Variants in SH3GL3 observed in about 807,000 individuals in gnomAD.
SH3GL3 encodes the protein endophilin-A3.
A neutral mutation model predicts 47.7 loss-of-function variants in SH3GL3; 33 were observed. The observed-to-expected ratio is 0.69, with a 90% confidence interval of 0.52 to 0.92. The LOEUF (loss-of-function observed/expected upper bound fraction) is 0.92. SH3GL3 is among the 40% of genes least tolerant of loss of function. The pLI is 0.00. For synonymous variants in SH3GL3, 155 were observed against 148.8 expected (o/e 1.04, Z -0.30); for missense variants, 363 against 417.8 (o/e 0.87, Z 1.14).
intron 7 of SH3GL3, among the ~76,000 whole-genome samples, chr15:83,587,879 T>A (rs2059995370): frequency 6.6e-6 from 1 of 152,224 alleles, no homozygotes; most frequent in Admixed American, 6.5e-5. Context: ...GAGGGATTTT[T>A]ACTTAAATCA....
Position 83,562,030 on chromosome 15 carries a change from A to AACACACACACAC in SH3GL3, c.114+2750_114+2761dup, listed in dbSNP as rs55856428. On this transcript the variant is annotated intron_variant, in intron 2 of 8. Transcript: ENST00000427482. ...TTGACTTGAACAGACACACACACACAACACACACACACACACACACACACA... is the reference window on the plus strand; with the variant it reads ...TTGACTTGAACAGACACACACACACAACACACACACACACACACACACACACACACACACACA... 6.6e-3 allele frequency among the ~76,000 whole-genome samples: 879 copies of AACACACACACAC among 133,026 alleles called. 12 individuals are homozygous for AACACACACACAC. Among genetic ancestry groups the AACACACACACAC allele is most frequent in the African/African-American group, 0.013 (483 of 36,530 alleles). The allele number at this position is 133,026 out of a possible 152,430, so 87.3% of individuals were successfully genotyped here.
chr15:83,464,718 A>C (rs149199370), intron 1 of SH3GL3, among the ~76,000 whole-genome samples: 1 of 152,244 alleles, frequency 6.6e-6, no homozygotes, highest in African/African-American at 2.4e-5. Flanking sequence ...TCTACTTTCA[A>C]AATACAACCG....
At chr15:83,474,290 G>A (rs1367517770) in intron 1 of SH3GL3, among the ~76,000 whole-genome samples, 1 of 152,162 alleles carries the variant, frequency 6.6e-6, no homozygotes, top group African/African-American at 2.4e-5. Context: ...AGCAGGTAGC[G>A]ATGATGGTGA....
At chr15:83,537,503 A>C (rs1769026001) in intron 1 of SH3GL3, among the ~76,000 whole-genome samples, 1 of 152,226 alleles carries the variant, frequency 6.6e-6, no homozygotes, top group Admixed American at 6.5e-5. Context: ...TCACAGTTGC[A>C]GTGGAGCAGA....
At chr15:83,473,714 A>AT (rs2040953345) in intron 1 of SH3GL3, among the ~76,000 whole-genome samples, 1 of 151,496 alleles carries the variant, frequency 6.6e-6, no homozygotes, top group East Asian at 1.9e-4. Flanking sequence ...CGTCCGGCTA[A>AT]TTTTTTGTAT....
chr15:83,527,494 G>A (rs545151463), intron 1 of SH3GL3, among the ~76,000 whole-genome samples: 2 of 151,882 alleles, frequency 1.3e-5, no homozygotes, highest in Admixed American at 1.3e-4. Context: ...TACTGTTTTT[G>A]ACTTAAAGTC....
intron 1 of SH3GL3, among the ~76,000 whole-genome samples, chr15:83,481,254 G>C (rs1001075712): frequency 1.4e-5 from 2 of 146,914 alleles, no homozygotes; most frequent in Non-Finnish European, 3.0e-5. Context: ...CAGCCTGGGG[G>C]ATAGAGAGAC....
At chr15:83,597,316 C>A (rs537471988) in intron 8 of SH3GL3, among the ~76,000 whole-genome samples, 16 of 152,240 alleles carry the variant, frequency 1.1e-4, no homozygotes, top group Admixed American at 1.0e-3. Context: ...TTATAAGGAC[C>A]CTTGTGATTA....
At chr15:83,633,198 T>G in the SH3GL3 span, among the ~76,000 whole-genome samples, 1 of 152,186 alleles carries the variant, frequency 6.6e-6, no homozygotes, top group African/African-American at 2.4e-5. Context: ...GATTTGGTAT[T>G]ACAGAAAATG....
At chr15:83,547,464 C>T (rs150788127) in intron 1 of SH3GL3, among the ~76,000 whole-genome samples, 12 of 152,310 alleles carry the variant, frequency 7.9e-5, no homozygotes, top group South Asian at 2.1e-4. Context: ...GGAGTAGTGT[C>T]GGCAATTCAA....
At chr15:83,525,582 A>G (rs1372648002) in intron 1 of SH3GL3, among the ~76,000 whole-genome samples, 1 of 152,134 alleles carries the variant, frequency 6.6e-6, no homozygotes. Flanking sequence ...GATCTTAGCC[A>G]TAAAATGTTT....
the SH3GL3 span, among the ~76,000 whole-genome samples, chr15:83,627,531 T>C: frequency 6.6e-6 from 1 of 152,214 alleles, no homozygotes. Context: ...ACAGAAGCAC[T>C]GCAGAATAGT....
chr15:83,469,781 CT>C (rs2040746512), intron 1 of SH3GL3, among the ~76,000 whole-genome samples: 1 of 152,112 alleles, frequency 6.6e-6, no homozygotes, highest in Non-Finnish European at 1.5e-5. Flanking sequence ...CGATGTGTAT[CT>C]GCTGTTGTTG....
In SH3GL3 at chr15:83,544,641, C is replaced by T. The variant is rs545376452; in HGVS notation, c.46-14612C>T. 7.9e-5 allele frequency among the ~76,000 whole-genome samples: 12 copies of T among 152,158 alleles called. No individual in the cohort carries two copies. The East Asian group carries it at 2.1e-3, about 27-fold the overall frequency. ...ATTGCTCATTAATGTTCTTTTCTTT[C>T]AGATTGAAAAACTCCCATTAGCATG... On this transcript the variant is annotated intron_variant, in intron 1 of 8. Transcript: ENST00000427482.
At chr15:83,584,712 G>C (rs573267642) in intron 6 of SH3GL3, among the ~76,000 whole-genome samples, 1 of 152,168 alleles carries the variant, frequency 6.6e-6, no homozygotes, top group Non-Finnish European at 1.5e-5. Flanking sequence ...GTTCCTTGGC[G>C]TATATCACGT....
intron 8 of SH3GL3, among the ~76,000 whole-genome samples, chr15:83,605,808 C>T (rs1227605754): frequency 6.6e-6 from 1 of 152,090 alleles, no homozygotes; most frequent in Non-Finnish European, 1.5e-5. Flanking sequence ...GTGTAAGCTG[C>T]CCCTCTGTCC....
intron 1 of SH3GL3, among the ~76,000 whole-genome samples, chr15:83,503,880 G>T (rs976125886): frequency 6.6e-6 from 1 of 152,194 alleles, no homozygotes; most frequent in Non-Finnish European, 1.5e-5. Flanking sequence ...AAGAAAAGGC[G>T]CATTTCCCCA....
intron 6 of SH3GL3, among the ~76,000 whole-genome samples, chr15:83,584,204 A>C (rs919215432): frequency 1.1e-4 from 17 of 151,938 alleles, no homozygotes; most frequent in African/African-American, 4.1e-4. Context: ...CTCCCTCTTC[A>C]CAGCCAGCGG....
At chr15:83,586,395 G>A (rs1219054664) in intron 6 of SH3GL3, among the ~76,000 whole-genome samples, 2 of 152,144 alleles carry the variant, frequency 1.3e-5, no homozygotes, top group East Asian at 3.9e-4. Flanking sequence ...TGTCTTTATA[G>A]TTCATTCCCT....
Sources: gnomAD v4.1 joint callset for allele counts (sites outside exome capture counted in the v4.1 genomes callset) on GRCh38, gnomAD v4.1.1 for gene constraint, MANE v1.5 for transcripts, NCBI Gene and HGNC (gene_info 2026-07-23, HGNC 2026-07-21) for gene names.